The following KIF18A variants were observed in gnomAD, a reference collection of about 807,000 sequenced individuals.
KIF18A encodes kinesin-like protein KIF18A.
Under a neutral mutation model 103.3 loss-of-function variants are expected in KIF18A, and 67 were observed. That is an observed-to-expected ratio of 0.65 (90% CI 0.53 to 0.79). KIF18A has a LOEUF of 0.79. Among genes scored for constraint, KIF18A ranks in the 30% least tolerant of loss-of-function variants. The pLI is 0.00. For missense variants in KIF18A, 1,032 were observed against 1,062.5 expected (o/e 0.97, Z 0.40); for synonymous variants, 367 against 355.5 (o/e 1.03, Z -0.36).
intron 7 of KIF18A, 52 bp from the exon 8 acceptor site, chr11:28,083,295 G>C: frequency 6.7e-7 from 1 of 1,489,890 alleles, no homozygotes; most frequent in Non-Finnish European, 8.9e-7. Context: ...TAATCACAGA[G>C]ATAAATACAT....
intron 8 of KIF18A, 29 bp from the exon 9 acceptor site, chr11:28,082,997 A>T (rs763821161): frequency 6.7e-7 from 1 of 1,489,586 alleles, no homozygotes; most frequent in Non-Finnish European, 9.1e-7. Flanking sequence ...TAGTTAAAAT[A>T]CAAAAGAAGT....
intron 15 of KIF18A, among the ~76,000 whole-genome samples, chr11:28,030,018 A>G (rs2133487822): frequency 1.2e-5 from 1 of 83,578 alleles, no homozygotes; most frequent in Admixed American, 1.5e-4. Context: ...CCACTGCTCA[A>G]TGAAATAAAA....
chr11:28,042,493 A>C (rs1320167290), intron 13 of KIF18A, among the ~76,000 whole-genome samples: 1 of 151,980 alleles, frequency 6.6e-6, no homozygotes, highest in African/African-American at 2.4e-5. Context: ...CAGTTCTTTA[A>C]AAAGGAGCCA....
rs997485462 is a variant in KIF18A, at chr11:28,036,329, C to T, written c.2284G>A (p.Gly762Arg). 3 of 1,610,346 alleles carry T rather than the reference C, an allele frequency of 1.9e-6. No homozygotes were observed. Among genetic ancestry groups the T allele is most frequent in the South Asian group, 2.2e-5 (2 of 90,960 alleles). ...AATGTAGAGTCCAAGTCCTCCTGTC[C>T]ACATTCTTTTCTTCTATTATGAGGG... ...AIPHNRRKECGQEDLDSTFTI... is the reference protein window; with the variant it reads ...AIPHNRRKECRQEDLDSTFTI... The change falls in exon 14 of 17, where the codon GGA becomes AGA. Residue 762 changes from glycine (G) to arginine (R), a missense_variant. By Grantham distance (125) the Gly-to-Arg change is moderately radical. Coordinates refer to ENST00000263181, the MANE Select transcript of KIF18A (RefSeq NM_031217.4).
chr11:28,102,602 T>C (rs1210857944), intron 1 of KIF18A, among the ~76,000 whole-genome samples: 1 of 152,162 alleles, frequency 6.6e-6, no homozygotes, highest in African/African-American at 2.4e-5. Context: ...TTTCAGTCAA[T>C]AGAATTTAAG....
intron 13 of KIF18A, among the ~76,000 whole-genome samples, chr11:28,042,119 T>C (rs1850568081): frequency 6.6e-6 from 1 of 151,738 alleles, no homozygotes; most frequent in Admixed American, 6.6e-5. Context: ...GAGGCTGTGA[T>C]TTCTTATTCA....
intron 2 of KIF18A, among the ~76,000 whole-genome samples, chr11:28,096,221 C>T (rs945065606): frequency 2.1e-5 from 3 of 142,832 alleles, no homozygotes; most frequent in South Asian, 4.6e-4. Context: ...AAAAAATCCA[C>T]TCTGTGAATT....
At chr11:28,093,959 C>CA (rs1163647221) in intron 3 of KIF18A, among the ~76,000 whole-genome samples, 5 of 152,148 alleles carry the variant, frequency 3.3e-5, no homozygotes, top group Non-Finnish European at 1.5e-5. Context: ...CAGACCACAG[C>CA]ATAATAAAAC....
intron 13 of KIF18A, among the ~76,000 whole-genome samples, chr11:28,044,305 C>G (rs372477965): frequency 4.6e-5 from 7 of 151,752 alleles, no homozygotes; most frequent in African/African-American, 9.7e-5. Context: ...CCATATACCC[C>G]CTAAATGGAA....
chr11:28,026,586 G>T (rs1016582520), intron 15 of KIF18A, among the ~76,000 whole-genome samples: 1 of 151,730 alleles, frequency 6.6e-6, no homozygotes, highest in African/African-American at 2.4e-5. Context: ...AATATTAGTT[G>T]TTCATGTGGA....
intron 15 of KIF18A, among the ~76,000 whole-genome samples, chr11:28,030,540 T>G (rs977749794): frequency 3.3e-5 from 5 of 152,078 alleles, no homozygotes; most frequent in African/African-American, 1.2e-4. Context: ...TCAAGATGGA[T>G]TAAAGACTTA....
chr11:28,028,742 T>C (rs1850354337), intron 15 of KIF18A, among the ~76,000 whole-genome samples: 1 of 151,978 alleles, frequency 6.6e-6, no homozygotes, highest in Non-Finnish European at 1.5e-5. Flanking sequence ...ATCCAGGAGC[T>C]GGTTTTTTGA....
intron 3 of KIF18A, among the ~76,000 whole-genome samples, chr11:28,093,804 A>T (rs1851333225): frequency 6.6e-6 from 1 of 152,210 alleles, no homozygotes; most frequent in South Asian, 2.1e-4. Flanking sequence ...CCATCATAAT[A>T]GTAATTGATT....
intron 13 of KIF18A, among the ~76,000 whole-genome samples, chr11:28,057,120 A>T (rs1441121055): frequency 6.6e-6 from 1 of 152,032 alleles, no homozygotes; most frequent in Non-Finnish European, 1.5e-5. Context: ...AGCCCCTCAA[A>T]CCCATAACAA....
At chr11:28,039,215 G>A (rs563028373) in intron 13 of KIF18A, among the ~76,000 whole-genome samples, 2 of 151,780 alleles carry the variant, frequency 1.3e-5, no homozygotes, top group African/African-American at 4.8e-5. Context: ...TGTTTCAACT[G>A]TTAATATTAC....
chr11:28,037,737 T>C (rs1850511555), intron 13 of KIF18A, among the ~76,000 whole-genome samples: 1 of 151,646 alleles, frequency 6.6e-6, no homozygotes, highest in South Asian at 2.1e-4. Flanking sequence ...CCCTCATCAC[T>C]CTGGAGAAGT....
intron 13 of KIF18A, among the ~76,000 whole-genome samples, chr11:28,048,905 C>T (rs1850674695): frequency 6.6e-6 from 1 of 151,902 alleles, no homozygotes; most frequent in South Asian, 2.1e-4. Context: ...ATTGCAGAGG[C>T]CAGAAACAGA....
At chr11:28,025,722 C>T (rs1476464295) in intron 15 of KIF18A, among the ~76,000 whole-genome samples, 2 of 151,918 alleles carry the variant, frequency 1.3e-5, no homozygotes, top group African/African-American at 2.4e-5. Context: ...AGACTTAAAA[C>T]TGATGAGCGC....
chr11:28,036,427 G>C lies in KIF18A; in HGVS notation c.2186C>G (p.Thr729Ser). Residue 729 changes from threonine (T) to serine (S), a missense_variant, in exon 14 of 17, where the codon ACT (threonine) becomes AGT (serine). Thr to Ser is a moderately conservative substitution (Grantham distance 58). Transcript: ENST00000263181. ...TVTLMKPSSF[T>S]TSFQAISSNI... Reference sequence around the variant, plus strand: ...TGAGCTGATAGCCTGAAAACTTGTAGTAAATGATGATGGTTTCATTAAGGT... The same window carrying C: ...TGAGCTGATAGCCTGAAAACTTGTACTAAATGATGATGGTTTCATTAAGGT... 6.2e-7 allele frequency: 1 copy of C among 1,610,948 alleles called. No homozygotes were observed. The highest frequency in any genetic ancestry group is 1.1e-5 in the South Asian group (1 of 91,010).
Sources: gnomAD v4.1 joint callset for allele counts (sites outside exome capture counted in the v4.1 genomes callset) on GRCh38, gnomAD v4.1.1 for gene constraint, MANE v1.5 for transcripts, NCBI Gene and HGNC (gene_info 2026-07-23, HGNC 2026-07-21) for gene names.